Variants in TENM2 observed in about 807,000 individuals in gnomAD.
TENM2 encodes the protein teneurin transmembrane protein 2.
A neutral mutation model predicts 245.2 loss-of-function variants in TENM2; 52 were observed. That is an observed-to-expected ratio of 0.21 (90% confidence interval 0.17 to 0.27). The LOEUF is 0.27. TENM2 is among the 10% of genes least tolerant of loss of function. TENM2 has a pLI of 1.00. For missense variants in TENM2, 3,046 were observed against 3,666.8 expected (o/e 0.83, Z 4.37); for synonymous variants, 1,363 against 1,438.9 (o/e 0.95, Z 1.19).
At chr5:167,742,531 A>G (rs1761254004) in intron 2 of TENM2, among the ~76,000 whole-genome samples, 2 of 152,134 alleles carry the variant, frequency 1.3e-5, no homozygotes, top group Non-Finnish European at 2.9e-5. Flanking sequence ...TCAGAAACCA[A>G]TCAACGTTCT....
Position 168,143,009 on chromosome 5 carries a change from A to C in TENM2, c.2422+16043A>C, listed in dbSNP as rs372548253. 2.0e-5 allele frequency among the ~76,000 whole-genome samples: 3 copies of C among 152,300 alleles called. No individual in the cohort carries two copies. In the South Asian group the frequency reaches 6.2e-4, roughly 32 times the overall value. On this transcript the variant is annotated intron_variant, in intron 12 of 28. Transcript: ENST00000518659. ...GTTGGGGAGGGAATTACATGAATCC[A>C]CTGTAAGTTAGCTTCAAAAATACTG...
chr5:167,295,619 A>T (rs561593216), intron 1 of TENM2, among the ~76,000 whole-genome samples: 155 of 152,220 alleles, frequency 1.0e-3, no homozygotes, highest in Middle Eastern at 6.8e-3. Context: ...GAGACATTAC[A>T]TTTTCAATGT....
chr5:167,771,730 AG>A (rs1019194785), intron 2 of TENM2, among the ~76,000 whole-genome samples: 1 of 152,242 alleles, frequency 6.6e-6, no homozygotes, highest in Non-Finnish European at 1.5e-5. Context: ...TCTCTATTTG[AG>A]GGGGCAGCCA....
At chr5:167,803,380 G>T (rs772353336) in intron 2 of TENM2, among the ~76,000 whole-genome samples, 2 of 152,106 alleles carry the variant, frequency 1.3e-5, no homozygotes, top group Non-Finnish European at 2.9e-5. Context: ...TTCAGAGAGG[G>T]TTAGGGCACC....
the TENM2 span, among the ~76,000 whole-genome samples, chr5:167,048,934 A>G: frequency 4.6e-5 from 7 of 152,236 alleles, no homozygotes; most frequent in Non-Finnish European, 7.4e-5. Context: ...AAATTTTGCA[A>G]GTGGGGATGG....
At chr5:167,246,923 C>T in the TENM2 span, among the ~76,000 whole-genome samples, 1 of 151,994 alleles carries the variant, frequency 6.6e-6, no homozygotes, top group Non-Finnish European at 1.5e-5. Context: ...CTATTCATCA[C>T]CTCATCATTC....
chr5:167,518,138 G>A (rs112452230), intron 2 of TENM2, among the ~76,000 whole-genome samples: 1 of 151,380 alleles, frequency 6.6e-6, no homozygotes, highest in African/African-American at 2.4e-5. Flanking sequence ...TCCAGCCTGG[G>A]TGATAGAGCA....
chr5:167,746,710 A>AGAGAGAGAGAGAGAGCGAGCGAGC (rs761614775), intron 2 of TENM2, among the ~76,000 whole-genome samples: 4 of 144,860 alleles, frequency 2.8e-5, no homozygotes, highest in Non-Finnish European at 6.1e-5. Flanking sequence ...AGAGAGAGAG[A>AGAGAGAGAGAGAGAGCGAGCGAGC]GAGAGCTGGA....
At chr5:167,262,390 CTT>C in the TENM2 span, among the ~76,000 whole-genome samples, 38 of 149,086 alleles carry the variant, frequency 2.5e-4, no homozygotes, top group African/African-American at 8.6e-4. Flanking sequence ...ATCAAGATGG[CTT>C]TTTTTTTGGG....
rs147686772 is a variant in TENM2, at chr5:168,196,935, C to T, written c.2900+1640C>T. On this transcript the variant is annotated intron_variant, in intron 15 of 28. Coordinates refer to ENST00000518659, the Ensembl canonical transcript of TENM2. ...CCACTTCCCAGATCATCTATCCAAC[C>T]TCCTGGATCAGTTACTCTTCAGCTT... Among the ~76,000 whole-genome samples the T allele has an allele frequency of 2.5e-3, 388 of 152,314 alleles. 1 individual carries two copies. Among genetic ancestry groups the T allele is most frequent in the African/African-American group, 9.0e-3 (373 of 41,578 alleles).
chr5:167,079,027 G>T, the TENM2 span, among the ~76,000 whole-genome samples: 2 of 152,128 alleles, frequency 1.3e-5, no homozygotes, highest in Non-Finnish European at 2.9e-5. Context: ...CAACAAGGCA[G>T]AGGGTCACCT....
Position 168,030,158 on chromosome 5 carries a change from C to CTTTTTT in TENM2, c.1187-17245_1187-17240dup, listed in dbSNP as rs540326142. 6.1e-4 allele frequency among the ~76,000 whole-genome samples: 40 copies of CTTTTTT among 65,278 alleles called. 2 individuals are homozygous for CTTTTTT. The highest frequency in any genetic ancestry group is 0.012 in the Middle Eastern group (1 of 84). 42.8% of individuals were successfully genotyped at this position (65,278 alleles called of 152,430 possible). A position where few individuals can be genotyped will look rare whatever the true frequency, so the allele number is the denominator to read the frequency against. On this transcript the variant is annotated intron_variant, in intron 5 of 28. Coordinates refer to ENST00000518659, the Ensembl canonical transcript of TENM2. ...CTTTGGCCCAAGTCTGGTTCTGGCTCTTTTTTTTTTTTTTTTTTTTTTTTT... is the reference window on the plus strand; with the variant it reads ...CTTTGGCCCAAGTCTGGTTCTGGCTCTTTTTTTTTTTTTTTTTTTTTTTTTTTTTTT...
At position 167,943,504 on chromosome 5, in the gene TENM2, T is replaced by TA. The variant is rs1288246775; in HGVS notation, c.713-9077dup. On this transcript the variant is annotated intron_variant, in intron 3 of 28. Coordinates refer to ENST00000518659, the Ensembl canonical transcript of TENM2. ...ATTCCACTGTGAGGTTTGGCTTTTT[T>TA]AAAAAAATAGCCTGGTCTTTGAAAA... Among the ~76,000 whole-genome samples the TA allele has an allele frequency of 5.3e-5, 8 of 152,254 alleles. No individual in the cohort carries two copies. The East Asian group carries it at 9.6e-4, about 18-fold the overall frequency.
chr5:167,703,087 C>T (rs1758274172), intron 2 of TENM2, among the ~76,000 whole-genome samples: 1 of 152,216 alleles, frequency 6.6e-6, no homozygotes. Context: ...CAGAGGCACT[C>T]ATACCTACAT....
chr5:167,886,617 A>T (rs1012031747), intron 3 of TENM2, among the ~76,000 whole-genome samples: 1 of 152,234 alleles, frequency 6.6e-6, no homozygotes, highest in African/African-American at 2.4e-5. Flanking sequence ...AAAAAGGTAA[A>T]TGTGGTTGCT....
the TENM2 span, among the ~76,000 whole-genome samples, chr5:167,117,326 AC>A: frequency 6.6e-6 from 1 of 152,012 alleles, no homozygotes; most frequent in South Asian, 2.1e-4. Flanking sequence ...ACACGGTGAA[AC>A]CCCATCTCTA....
chr5:167,984,895 A>G (rs1015700723), intron 4 of TENM2, among the ~76,000 whole-genome samples: 4 of 151,694 alleles, frequency 2.6e-5, no homozygotes, highest in African/African-American at 9.7e-5. Flanking sequence ...CTGTCTCAGG[A>G]CCCTGCCCCT....
intron 4 of TENM2, among the ~76,000 whole-genome samples, chr5:167,969,480 G>A (rs560424540): frequency 4.6e-5 from 7 of 151,998 alleles, no homozygotes; most frequent in African/African-American, 7.2e-5. Flanking sequence ...ACCCAGTCTC[G>A]GGTATGTCTT....
chr5:168,219,323 A>T (rs933295759), intron 23 of TENM2, among the ~76,000 whole-genome samples: 1 of 152,174 alleles, frequency 6.6e-6, no homozygotes. Flanking sequence ...CAAGTTTGCC[A>T]TGGGTGCGGA....
Sources: allele counts gnomAD v4.1 joint callset (sites outside exome capture counted in the v4.1 genomes callset), GRCh38; gene constraint gnomAD v4.1.1; transcripts MANE v1.5; gene names NCBI Gene and HGNC (gene_info 2026-07-23, HGNC 2026-07-21).